Variants in PTPRD observed in about 807,000 individuals in gnomAD.
The protein encoded by PTPRD is protein tyrosine phosphatase receptor type D.
Under a neutral mutation model 214.5 loss-of-function variants are expected in PTPRD, and 34 were observed. The observed-to-expected ratio is 0.16, with a 90% CI of 0.12 to 0.21. The LOEUF (loss-of-function observed/expected upper bound fraction) is 0.21. Ranked by LOEUF, PTPRD falls within the 10% of genes least tolerant of loss-of-function variation. The probability of loss-of-function intolerance (pLI) is 1.00; values close to 1 mark genes in which losing one functional copy is unlikely to be tolerated. For synonymous variants in PTPRD, 1,128 were observed against 845.7 expected, an observed-to-expected ratio of 1.33 and a Z score of -5.79; for missense variants, 2,545 against 2,398.7, an observed-to-expected ratio of 1.06 and a Z score of -1.27.
At chr9:10,560,374 C>A (rs1246326363) in intron 2 of PTPRD, among the ~76,000 whole-genome samples, 1 of 148,746 alleles carries the variant, frequency 6.7e-6, no homozygotes, top group African/African-American at 2.5e-5. Context: ...CACATGGACA[C>A]AGGAAGGGGA....
intron 9 of PTPRD, among the ~76,000 whole-genome samples, chr9:9,345,742 T>G (rs1307814480): frequency 6.6e-6 from 1 of 152,128 alleles, no homozygotes; most frequent in African/African-American, 2.4e-5. Context: ...AACATTCGGT[T>G]CCTCCATTTT....
At chr9:9,652,211 C>T (rs1196027398) in intron 7 of PTPRD, among the ~76,000 whole-genome samples, 8 of 152,066 alleles carry the variant, frequency 5.3e-5, no homozygotes, top group Non-Finnish European at 5.9e-5. Flanking sequence ...CCAGTGTATC[C>T]TTGTCTTACT....
chr9:8,969,065 T>G (rs890260203), intron 11 of PTPRD, among the ~76,000 whole-genome samples: 1 of 152,028 alleles, frequency 6.6e-6, no homozygotes, highest in Non-Finnish European at 1.5e-5. Context: ...AATGGACATT[T>G]AATAAACAAA....
At chr9:10,091,971 G>C (rs953965556) in intron 3 of PTPRD, among the ~76,000 whole-genome samples, 2 of 151,338 alleles carry the variant, frequency 1.3e-5, no homozygotes, top group South Asian at 4.2e-4. Context: ...GTGTGTATGA[G>C]CATAGATAAC....
chr9:10,472,368 T>G (rs2099036609), intron 2 of PTPRD, among the ~76,000 whole-genome samples: 1 of 152,190 alleles, frequency 6.6e-6, no homozygotes, highest in African/African-American at 2.4e-5. Flanking sequence ...AGTTTCACAT[T>G]ACAGAGATGG....
chr9:8,544,467 CT>C (rs34002040), intron 14 of PTPRD, among the ~76,000 whole-genome samples: 14,050 of 116,170 alleles, frequency 0.12, 562 homozygotes, highest in East Asian at 0.22. Flanking sequence ...AAAAAAATAA[CT>C]TTTTTTTTTT....
chr9:9,244,298 T>C (rs2099971861), intron 9 of PTPRD, among the ~76,000 whole-genome samples: 2 of 152,048 alleles, frequency 1.3e-5, no homozygotes, highest in African/African-American at 4.8e-5. Flanking sequence ...TTAAGGTTCA[T>C]ATGGAACCAA....
intron 44 of PTPRD, among the ~76,000 whole-genome samples, chr9:8,331,036 T>TAAAATGCTCTAGAAACTATTGAAAATA (rs1326464900): frequency 6.6e-6 from 1 of 151,860 alleles, no homozygotes; most frequent in Non-Finnish European, 1.5e-5. Context: ...ACTTGAGTTA[T>TAAAATGCTCTAGAAACTATTGAAAATA]AAAATGCTCT....
intron 8 of PTPRD, among the ~76,000 whole-genome samples, chr9:9,456,051 GA>G (rs2092950849): frequency 6.6e-6 from 1 of 151,776 alleles, no homozygotes; most frequent in Non-Finnish European, 1.5e-5. Context: ...AAACATTAAA[GA>G]AAATACTAAT....
intron 9 of PTPRD, among the ~76,000 whole-genome samples, chr9:9,194,628 G>A (rs1269537314): frequency 6.6e-6 from 1 of 152,104 alleles, no homozygotes; most frequent in Non-Finnish European, 1.5e-5. Context: ...ATCAAGTAGA[G>A]ACAGACAAGA....
intron 7 of PTPRD, among the ~76,000 whole-genome samples, chr9:9,583,461 C>T (rs962411096): frequency 1.3e-5 from 2 of 151,968 alleles, no homozygotes; most frequent in Admixed American, 6.6e-5. Context: ...TCCTCTGAAC[C>T]CTTTTTCATG....
intron 5 of PTPRD, among the ~76,000 whole-genome samples, chr9:9,795,974 C>T (rs1415955248): frequency 6.6e-6 from 1 of 151,930 alleles, no homozygotes; most frequent in Non-Finnish European, 1.5e-5. Context: ...TGACTATGCA[C>T]CACCGTCACA....
intron 9 of PTPRD, among the ~76,000 whole-genome samples, chr9:9,247,122 C>G (rs1026985048): frequency 6.6e-6 from 1 of 152,054 alleles, no homozygotes; most frequent in Non-Finnish European, 1.5e-5. Flanking sequence ...CACCTTTCTT[C>G]TAGGAGCTGA....
At chr9:9,162,961 G>C (rs1358520469) in intron 10 of PTPRD, among the ~76,000 whole-genome samples, 1 of 151,956 alleles carries the variant, frequency 6.6e-6, no homozygotes, top group Admixed American at 6.6e-5. Flanking sequence ...TTTTCTTTAG[G>C]ACTCTCTATT....
At chr9:9,946,255 T>A (rs2092540387) in intron 4 of PTPRD, among the ~76,000 whole-genome samples, 1 of 152,098 alleles carries the variant, frequency 6.6e-6, no homozygotes, top group Admixed American at 6.6e-5. Context: ...GCAAAATACC[T>A]AGAAAATAGG....
intron 7 of PTPRD, among the ~76,000 whole-genome samples, chr9:9,607,052 C>G (rs909506289): frequency 1.4e-5 from 2 of 143,436 alleles, no homozygotes; most frequent in Non-Finnish European, 1.5e-5. Flanking sequence ...GGAATTCACC[C>G]TTAAATGGAA....
chr9:9,903,193 G>C (rs933987668), intron 5 of PTPRD, among the ~76,000 whole-genome samples: 3 of 152,086 alleles, frequency 2.0e-5, no homozygotes, highest in Non-Finnish European at 4.4e-5. Context: ...ATAGCAGAAA[G>C]ATTGCATGCA....
At chr9:9,850,290 G>T (rs1461891466) in intron 5 of PTPRD, among the ~76,000 whole-genome samples, 1 of 152,132 alleles carries the variant, frequency 6.6e-6, no homozygotes, top group African/African-American at 2.4e-5. Flanking sequence ...CAGAAGTCAT[G>T]CTGGAGACAG....
chr9:9,892,945 T>C (rs966336474), intron 5 of PTPRD, among the ~76,000 whole-genome samples: 1 of 152,022 alleles, frequency 6.6e-6, no homozygotes. Context: ...TGGCGTATGT[T>C]GGGAAAATTT....
Sources: gnomAD v4.1 joint callset for allele counts (sites outside exome capture counted in the v4.1 genomes callset) on GRCh38, gnomAD v4.1.1 for gene constraint, MANE v1.5 for transcripts, NCBI Gene and HGNC (gene_info 2026-07-23, HGNC 2026-07-21) for gene names.